The following CHTF18 variants were observed in gnomAD, a reference collection of about 807,000 sequenced individuals.
CHTF18 encodes chromosome transmission fidelity protein 18 homolog.
A neutral mutation model predicts 113.4 loss-of-function variants in CHTF18; 151 were observed. That is an observed-to-expected ratio of 1.33 (90% confidence interval 1.17 to 1.52). The LOEUF (loss-of-function observed/expected upper bound fraction) is 1.52, where lower values mean the gene tolerates loss of function less well. CHTF18 is among the 40% of genes most tolerant of loss of function. The pLI is 0.00. For synonymous variants in CHTF18, 916 were observed against 598.8 expected (o/e 1.53, Z -7.74); for missense variants, 1,982 against 1,381.6 (o/e 1.43, Z -6.89).
chr16:792,041 T>G, intron 9 of CHTF18, 93 bp downstream of exon 9: 1 of 1,547,206 alleles, frequency 6.5e-7, no homozygotes. Flanking sequence ...GATGTTCCCG[T>G]CTTGAGGGTG....
rs1478653611 is a variant in CHTF18, at chr16:795,889, G to A, written c.2325+55G>A. On this transcript the variant is annotated intron_variant, in intron 17 of 21. Transcript: ENST00000262315. Reference sequence around the variant, plus strand: ...CCCGCCTGCTGCCCTCCTGTCCTAGGTGAGCACACATTTGTACAGCCTGCT... The same window carrying A: ...CCCGCCTGCTGCCCTCCTGTCCTAGATGAGCACACATTTGTACAGCCTGCT... 5 of 1,602,114 alleles carry A rather than the reference G, an allele frequency of 3.1e-6. No homozygotes were observed. In the East Asian group the frequency reaches 9.0e-5, roughly 29 times the overall value.
At position 797,621 on chromosome 16, in the gene CHTF18, G is replaced by C. The variant is rs80266996; in HGVS notation, c.2734-73G>C. ...GTCCCTCCTCCCTGGGAAGGCTCTC[G>C]GTCCTCCTGTCTTGGGTAGGGGCTG... On this transcript the variant is annotated intron_variant, in intron 20 of 21. Coordinates refer to ENST00000262315, the MANE Select transcript of CHTF18 (RefSeq NM_022092.3). The C allele has an allele frequency of 2.4e-3, 3,726 of 1,536,728 alleles. 74 individuals carry two copies. The African/African-American group carries it at 0.044, about 18-fold the overall frequency.
rs370607803 is a variant in CHTF18 at position 790,522 on chromosome 16, C to T, written c.753-3C>T. On this transcript the variant is annotated splice_region_variant and splice_polypyrimidine_tract_variant and intron_variant, in intron 6 of 21. Transcript: ENST00000262315. The stretch of plus-strand genomic sequence containing the variant: ...TTGTGGCTCAGGACGTGGTCCTCTC[C>T]AGTCTCAGGTCGGGGGAGGAGGAGG... The T allele has an allele frequency of 5.0e-6, 8 of 1,602,386 alleles. No individual in the cohort carries two copies. Among genetic ancestry groups the T allele is most frequent in the Non-Finnish European group, 5.1e-6 (6 of 1,175,468 alleles).
rs751025156 is a variant in CHTF18, at chr16:797,122, C to T, written c.2733+30C>T. 7.4e-6 allele frequency: 11 copies of T among 1,492,334 alleles called. No individual in the cohort carries two copies. In the Admixed American group the frequency reaches 1.8e-4, roughly 25 times the overall value. The allele number at this position is 1,492,334 out of a possible 1,614,324, so 92.4% of individuals were successfully genotyped here. ...GGAATGGGCAGCTGTGGGGGTGGGA[C>T]CAGGGTACATACCTTTGGGGGTGTG... On this transcript the variant is annotated intron_variant, in intron 20 of 21. Coordinates refer to ENST00000262315, the MANE Select transcript of CHTF18 (RefSeq NM_022092.3).
intron 13 of CHTF18, 34 bp from the exon 14 acceptor site, chr16:793,110 T>C (rs1314352818): frequency 6.4e-7 from 1 of 1,567,110 alleles, no homozygotes; most frequent in Non-Finnish European, 8.6e-7. Context: ...GGGTCAGGAG[T>C]TGGCCGCTTC....
Position 790,558 on chromosome 16 carries a change from C to G in CHTF18, c.786C>G (p.Pro262=), listed in dbSNP as rs1248831034. The G allele has an allele frequency of 6.3e-7, 1 of 1,597,280 alleles. No homozygotes were observed. The highest frequency in any genetic ancestry group is 2.3e-5 in the East Asian group (1 of 44,220). The part of the protein sequence containing the change: ...LRSGEEEAAQ[P]LGAPEEEPTD... ...CGGGGGAGGAGGAGGCAGCCCAGCC[C>G]TTGGGGGCCCCTGAGGAGGAGCCGA... is the stretch of plus-strand genomic sequence containing the variant. The change falls in exon 7 of 22, where the codon CCC becomes CCG. Residue 262 remains proline (P), a synonymous_variant. Transcript: ENST00000262315.
In CHTF18 at chr16:792,779, C is replaced by G; in HGVS notation, c.1540C>G (p.Leu514Val). Reference protein sequence around the residue: ...QAFLLHFPPTLPSRLVQRLQE... With the variant: ...QAFLLHFPPTVPSRLVQRLQE... ...CTTCCTGCTCCACTTCCCGCCGACT[C>G]TGCCCTCGAGGCTGGTGCAGCGGCT... Residue 514 changes from leucine to valine, a missense_variant, in exon 12 of 22, where the codon CTG (leucine) becomes GTG (valine). Physicochemically the swap from Leu to Val is conservative, Grantham distance 32. Coordinates refer to ENST00000262315, the MANE Select transcript of CHTF18 (RefSeq NM_022092.3). The G allele has an allele frequency of 6.5e-7, 1 of 1,545,874 alleles. No homozygotes were observed. The highest frequency in any genetic ancestry group is 8.7e-7 in the Non-Finnish European group (1 of 1,149,650).
At chr16:796,506 C>T in intron 18 of CHTF18, 1 of 611,410 alleles carries the variant, frequency 1.6e-6, no homozygotes, top group Non-Finnish European at 2.8e-6. Flanking sequence ...GTTTCATCAT[C>T]ATCCCACGTA....
At chr16:790,917 A>C in intron 7 of CHTF18, 9 of 1,432,220 alleles carry the variant, frequency 6.3e-6, no homozygotes, top group Non-Finnish European at 8.2e-6. Flanking sequence ...TCCTACCTTC[A>C]CAGCAGCTGA....
At chr16:795,003 A>C in intron 15 of CHTF18, 129 bp from the exon 16 acceptor site, 1 of 718,232 alleles carries the variant, frequency 1.4e-6, no homozygotes, top group Non-Finnish European at 2.3e-6. Context: ...ACCCTTGTGG[A>C]GGGTCTGCGA....
At chr16:793,758 G>A (rs2042264625) in intron 14 of CHTF18, 1 of 670,954 alleles carries the variant, frequency 1.5e-6, no homozygotes, top group Non-Finnish European at 2.7e-6. Flanking sequence ...GGGCCTGTGG[G>A]ATGTGCTGCT....
chr16:793,901 G>C, intron 14 of CHTF18, 153 bp from the exon 15 acceptor site: 1 of 815,088 alleles, frequency 1.2e-6, no homozygotes, highest in East Asian at 2.7e-5. Context: ...GCGTGTCTTT[G>C]GCTGTCTCCA....
intron 12 of CHTF18, 29 bp downstream of exon 12, chr16:792,840 T>C (rs1382898887): frequency 1.3e-6 from 2 of 1,537,524 alleles, no homozygotes; most frequent in Admixed American, 3.9e-5. Context: ...GCCGTGTGGC[T>C]GATGGCGGGG....
chr16:790,783 C>G, intron 7 of CHTF18, 117 bp downstream of exon 7: 1 of 1,436,888 alleles, frequency 7.0e-7, no homozygotes, highest in South Asian at 1.5e-5. Context: ...GGAGTGGGCT[C>G]TGGTTTGCCC....
In CHTF18 at chr16:797,986, C is replaced by A; in HGVS notation, c.*11C>A. On this transcript the variant is annotated 3_prime_UTR_variant, in exon 22 of 22. Coordinates refer to ENST00000262315, the MANE Select transcript of CHTF18 (RefSeq NM_022092.3). ...AGGGACTTGCTCTAGTTCTCTGAGCCGCGGACATGCCCTCGCATTGCTTCC... is the reference window on the plus strand; with the variant it reads ...AGGGACTTGCTCTAGTTCTCTGAGCAGCGGACATGCCCTCGCATTGCTTCC... The A allele has an allele frequency of 6.2e-7, 1 of 1,605,506 alleles. No homozygotes were observed. The highest frequency in any genetic ancestry group is 8.5e-7 in the Non-Finnish European group (1 of 1,175,370).
At chr16:793,323 TCAGGACGCTAGCCCTGTGTG>T in intron 14 of CHTF18, 49 bp downstream of exon 14, 1 of 1,592,482 alleles carries the variant, frequency 6.3e-7, no homozygotes, top group Non-Finnish European at 8.5e-7. Context: ...TGCCCGGACC[TCAGGACGCTAGCCCTGTGTG>T]CAGGCCAGCA....
In CHTF18 at chr16:794,186, C is replaced by T. The variant is rs549561799; in HGVS notation, c.1935C>T (p.His645=). 1.5e-4 allele frequency: 237 copies of T among 1,611,600 alleles called. No individual in the cohort carries two copies. The highest frequency in any genetic ancestry group is 5.5e-4 in the African/African-American group (41 of 75,038). ...ATGCCGCTGCCTCTGCGGGCGAGCA[C>T]GAGAAGGTGGTCCAGGTACCTGTCT... is the stretch of plus-strand genomic sequence containing the variant. ...VLHAAASAGE[H]EKVVQGLFDN... is the part of the protein sequence containing the mutation. The change falls in exon 15 of 22, where the codon CAC becomes CAT. Residue 645 remains histidine, a synonymous_variant. Coordinates refer to ENST00000262315, the MANE Select transcript of CHTF18 (RefSeq NM_022092.3).
At position 792,726 on chromosome 16, in the gene CHTF18, C is replaced by A. The variant is rs746734598; in HGVS notation, c.1487C>A (p.Pro496Gln). The A allele has an allele frequency of 6.4e-7, 1 of 1,560,704 alleles. No homozygotes were observed. The highest frequency in any genetic ancestry group is 2.4e-5 in the East Asian group (1 of 42,184). Residue 496 changes from proline to glutamine, a missense_variant, in exon 12 of 22, where the codon CCG becomes CAG. Physicochemically the swap from Pro to Gln is moderately conservative, Grantham distance 76 (BLOSUM62 -1). Transcript: ENST00000262315. ...CTGCCGCCTCTCCTCAGGTTCGCAC[C>A]GTCCCTGCGGCAGCTGAAGCAGCAG... ...IICICNDQFA[P>Q]SLRQLKQQAF...
At chr16:795,397 C>T in intron 16 of CHTF18, 41 bp downstream of exon 16, 2 of 1,480,710 alleles carry the variant, frequency 1.4e-6, no homozygotes, top group Non-Finnish European at 1.8e-6. Context: ...CGGCCCCGTG[C>T]CCGCCCCCCT....
Sources: gnomAD v4.1 joint callset for allele counts on GRCh38, gnomAD v4.1.1 for gene constraint, MANE v1.5 for transcripts, NCBI Gene and HGNC (gene_info 2026-07-23, HGNC 2026-07-21) for gene names.